Variants in PCDHGA11 observed in about 807,000 individuals in gnomAD.
PCDHGA11 encodes protocadherin gamma-A11.
PCDHGA11 carries 39 observed loss-of-function variants against 60.4 expected under a neutral mutation model. The observed-to-expected ratio is 0.65, with a 90% confidence interval of 0.50 to 0.84. The LOEUF is 0.84. PCDHGA11 is among the 40% of genes least tolerant of loss of function. The pLI is 0.00. For synonymous variants in PCDHGA11, 533 were observed against 510.3 expected (o/e 1.04, Z -0.60); for missense variants, 1,165 against 1,197.7 (o/e 0.97, Z 0.40).
In PCDHGA11 at chr5:141,489,597, A is replaced by G; in HGVS notation, c.2434-5210A>G. 6.2e-7 allele frequency: 1 copy of G among 1,614,100 alleles called. No individual in the cohort carries two copies. The highest frequency in any genetic ancestry group is 1.3e-5 in the African/African-American group (1 of 75,040). ...AACACCCCCTGGAGCTAATCCGTGTAGAGGTAGAGATCCTGGATCTCAATG... is the reference window on the plus strand; with the variant it reads ...AACACCCCCTGGAGCTAATCCGTGTGGAGGTAGAGATCCTGGATCTCAATG... On this transcript the variant is annotated intron_variant, in intron 1 of 3. Transcript: ENST00000398587. The surrounding 1 kb of genome is among the most constrained non-coding windows in gnomAD (Gnocchi z 4.5).
Position 141,432,427 on chromosome 5 carries a change from C to T in PCDHGA11, c.2433+8767C>T, listed in dbSNP as rs775150918. 2.2e-5 allele frequency: 36 copies of T among 1,614,124 alleles called. No homozygotes were observed. The highest frequency in any genetic ancestry group is 3.1e-5 in the Non-Finnish European group (36 of 1,180,044). ...TGAGCCTGTTCGTGCTGGACCAGAA[C>T]GACAATGCGCCCGAGATCCTGTACC... On this transcript the variant is annotated intron_variant, in intron 1 of 3. Transcript: ENST00000398587. This position sits in a 1 kb window ranked among gnomAD's most constrained non-coding sequence, Gnocchi z 6.0.
chr5:141,451,237 A>G (rs1405567593), intron 1 of PCDHGA11, among the ~76,000 whole-genome samples: 1 of 152,198 alleles, frequency 6.6e-6, no homozygotes, highest in Non-Finnish European at 1.5e-5. Context: ...TTATTATCTC[A>G]TAAATTTTGT....
rs1163353349 is a variant in PCDHGA11, at chr5:141,489,426, G to C, written c.2434-5381G>C. 6.2e-7 allele frequency: 1 copy of C among 1,614,012 alleles called. No homozygotes were observed. The highest frequency in any genetic ancestry group is 1.3e-5 in the African/African-American group (1 of 74,922). ...TAAAGATGACAGATCTGTTGAGCCGGCGGCTGCAATTGGGCTCTGAGGAGA... is the reference window on the plus strand; with the variant it reads ...TAAAGATGACAGATCTGTTGAGCCGCCGGCTGCAATTGGGCTCTGAGGAGA... On this transcript the variant is annotated intron_variant, in intron 1 of 3. Transcript: ENST00000398587. The surrounding 1 kb of genome is among the most constrained non-coding windows in gnomAD (Gnocchi z 4.5).
chr5:141,475,870 C>CAGTT, intron 1 of PCDHGA11: 1 of 511,190 alleles, frequency 2.0e-6, no homozygotes, highest in East Asian at 3.3e-5. Context: ...ATTCTTCGTG[C>CAGTT]AGTTATTGGC....
At chr5:141,426,667 A>G in intron 1 of PCDHGA11, 2 of 430,860 alleles carry the variant, frequency 4.6e-6, no homozygotes, top group Non-Finnish European at 9.5e-6. Context: ...ATAAATGATA[A>G]CCCACCTCAT....
chr5:141,485,689 G>A lies in PCDHGA11; in HGVS notation c.2434-9118G>A. On this transcript the variant is annotated intron_variant, in intron 1 of 3. Transcript: ENST00000398587. This position sits in a 1 kb window ranked among gnomAD's most constrained non-coding sequence, Gnocchi z 5.7. ...GCAATTCGATTAGCAGCTATAGGCT[G>A]AGCTCCAATGAACACTTTGCACTGG... The A allele has an allele frequency of 6.2e-7, 1 of 1,614,086 alleles. No individual in the cohort carries two copies. The highest frequency in any genetic ancestry group is 8.5e-7 in the Non-Finnish European group (1 of 1,179,970).
At chr5:141,443,328 A>C (rs569134076) in intron 1 of PCDHGA11, among the ~76,000 whole-genome samples, 24 of 151,794 alleles carry the variant, frequency 1.6e-4, no homozygotes, top group African/African-American at 4.8e-4. Context: ...AAAAAAAAAA[A>C]ACAAAAATTA....
At chr5:141,478,675 G>T in intron 1 of PCDHGA11, 1 of 1,551,574 alleles carries the variant, frequency 6.4e-7, no homozygotes, top group Non-Finnish European at 8.7e-7. Flanking sequence ...ACTTTCAACT[G>T]GCCCTTCCTA....
intron 1 of PCDHGA11, among the ~76,000 whole-genome samples, chr5:141,462,493 A>G (rs1432919197): frequency 2.0e-5 from 3 of 152,144 alleles, no homozygotes; most frequent in South Asian, 4.1e-4. Context: ...GTTGTATCCT[A>G]TAATTGTCAA....
At position 141,489,886 on chromosome 5, in the gene PCDHGA11, G is replaced by A; in HGVS notation, c.2434-4921G>A. ...ACATCAGCTGGTGCTTACTGCTGTG[G>A]ATGGGGGGACCCCAGCCCGCTCAGG... is the stretch of plus-strand genomic sequence containing the variant. On this transcript the variant is annotated intron_variant, in intron 1 of 3. Transcript: ENST00000398587. This position sits in a 1 kb window ranked among gnomAD's most constrained non-coding sequence, Gnocchi z 4.5. 6.2e-7 allele frequency: 1 copy of A among 1,614,256 alleles called. No individual in the cohort carries two copies. The highest frequency in any genetic ancestry group is 8.5e-7 in the Non-Finnish European group (1 of 1,180,044).
Position 141,487,925 on chromosome 5 carries a change from C to T in PCDHGA11, c.2434-6882C>T. 4.8e-6 allele frequency: 3 copies of T among 629,734 alleles called. No homozygotes were observed. The highest frequency in any genetic ancestry group is 8.3e-6 in the Non-Finnish European group (3 of 362,440). 39.0% of individuals were successfully genotyped at this position (629,734 alleles called of 1,614,324 possible). On this transcript the variant is annotated intron_variant, in intron 1 of 3. Coordinates refer to ENST00000398587, the MANE Select transcript of PCDHGA11 (RefSeq NM_018914.3). The surrounding 1 kb of genome is among the most constrained non-coding windows in gnomAD (Gnocchi z 5.0). ...TGTGGGAGCACAGGAGGCTACAGTGCACAGGGTACAGTGCACCAGGCAGTC... is the reference window on the plus strand; with the variant it reads ...TGTGGGAGCACAGGAGGCTACAGTGTACAGGGTACAGTGCACCAGGCAGTC...
At chr5:141,456,984 C>T (rs374156327) in intron 1 of PCDHGA11, among the ~76,000 whole-genome samples, 1 of 152,082 alleles carries the variant, frequency 6.6e-6, no homozygotes, top group Admixed American at 6.6e-5. Flanking sequence ...AACAAACAAA[C>T]AAACAAAAAC....
chr5:141,431,408 G>A lies in PCDHGA11; in HGVS notation c.2433+7748G>A. ...CCACCTGGTCCTTACGGCCTCCGAC[G>A]GGGGCGACCCGGTGCGCACAGGCAC... On this transcript the variant is annotated intron_variant, in intron 1 of 3. Transcript: ENST00000398587. The surrounding 1 kb of genome is among the most constrained non-coding windows in gnomAD (Gnocchi z 4.8). 6.2e-7 allele frequency: 1 copy of A among 1,613,718 alleles called. No individual in the cohort carries two copies. The highest frequency in any genetic ancestry group is 2.2e-5 in the East Asian group (1 of 44,882).
At chr5:141,510,040 G>A (rs2099879305) in intron 3 of PCDHGA11, among the ~76,000 whole-genome samples, 1 of 152,220 alleles carries the variant, frequency 6.6e-6, no homozygotes, top group Non-Finnish European at 1.5e-5. Flanking sequence ...GTTATGTAGA[G>A]GTTAAAAGTG....
intron 1 of PCDHGA11, among the ~76,000 whole-genome samples, chr5:141,450,166 T>TCCCACCACACC (rs1046248061): frequency 2.0e-5 from 3 of 151,062 alleles, no homozygotes; most frequent in African/African-American, 7.3e-5. Flanking sequence ...GCCACCACAC[T>TCCCACCACACC]CCCACCACAC....
chr5:141,485,340 C>A lies in PCDHGA11; in HGVS notation c.2434-9467C>A. 1 of 1,614,076 alleles carries A rather than the reference C, an allele frequency of 6.2e-7. No individual in the cohort carries two copies. On this transcript the variant is annotated intron_variant, in intron 1 of 3. Transcript: ENST00000398587. The surrounding 1 kb of genome is among the most constrained non-coding windows in gnomAD (Gnocchi z 5.7). ...GTCGCTCAAGATTTCCTGCTGGATA[C>A]GGACAGTCTGTCAGCTCGCAGGCTG...
At chr5:141,478,117 C>T (rs1419172538) in intron 1 of PCDHGA11, 2 of 1,614,058 alleles carry the variant, frequency 1.2e-6, no homozygotes, top group East Asian at 4.5e-5. Flanking sequence ...TGTCAGTAAC[C>T]GAGGACTCTC....
Position 141,477,780 on chromosome 5 carries a change from T to C in PCDHGA11, c.2434-17027T>C. On this transcript the variant is annotated intron_variant, in intron 1 of 3. Coordinates refer to ENST00000398587, the MANE Select transcript of PCDHGA11 (RefSeq NM_018914.3). The surrounding 1 kb of genome is among the most constrained non-coding windows in gnomAD (Gnocchi z 4.9). ...CTAGCCACCAACATCAGCGTGAACA[T>C]ATTTGTCACTGATCGCAATGACAAT... 6.2e-7 allele frequency: 1 copy of C among 1,614,048 alleles called. No homozygotes were observed. Among genetic ancestry groups the C allele is most frequent in the Non-Finnish European group, 8.5e-7 (1 of 1,180,030 alleles).
At chr5:141,500,223 T>TATTG (rs1554186512) in intron 2 of PCDHGA11, among the ~76,000 whole-genome samples, 5 of 145,410 alleles carry the variant, frequency 3.4e-5, no homozygotes, top group African/African-American at 5.2e-5. Context: ...TTTATTTATT[T>TATTG]ATTGATACGT....
Sources: allele counts gnomAD v4.1 joint callset (sites outside exome capture counted in the v4.1 genomes callset), GRCh38; gene constraint gnomAD v4.1.1; non-coding constraint Gnocchi (gnomAD v3.1); transcripts MANE v1.5; gene names NCBI Gene and HGNC (gene_info 2026-07-23, HGNC 2026-07-21).